Variants in ZNF658 observed in about 807,000 individuals in gnomAD.
ZNF658 encodes the protein zinc finger protein 658.
Under a neutral mutation model 78.0 loss-of-function variants are expected in ZNF658, and 46 were observed. The ratio of observed to expected loss-of-function variants is 0.59; its 90% CI spans 0.47 to 0.75. The LOEUF (loss-of-function observed/expected upper bound fraction) is 0.75. ZNF658 is among the 30% of genes least tolerant of loss of function. The probability of loss-of-function intolerance (pLI) is 0.00; values close to 1 mark genes in which losing one functional copy is unlikely to be tolerated. For missense variants in ZNF658, 785 were observed against 1,189.3 expected (o/e 0.66, Z 5.00); for synonymous variants, 279 against 408.4 (o/e 0.68, Z 3.82).
chr9:66,908,967 C>T (rs547787560), intron 4 of ZNF658, among the ~76,000 whole-genome samples: 2 of 152,268 alleles, frequency 1.3e-5, no homozygotes, highest in East Asian at 3.9e-4. Context: ...TGTCACTATT[C>T]CCTGAACAAT....
In ZNF658 at chr9:66,918,586, T is replaced by A; in HGVS notation, c.1020T>A (p.His340Gln). 6.2e-7 allele frequency: 1 copy of A among 1,609,070 alleles called. No individual in the cohort carries two copies. Among genetic ancestry groups the A allele is most frequent in the South Asian group, 1.1e-5 (1 of 90,874 alleles). ...CEENFSQSSA[H>Q]IVHQKTQAGD... ...AAAATTTTAGCCAGAGCTCAGCCCATATAGTACATCAGAAAACACAAGCTG... is the reference window on the plus strand; with the variant it reads ...AAAATTTTAGCCAGAGCTCAGCCCAAATAGTACATCAGAAAACACAAGCTG... The change falls in exon 5 of 5, where the codon CAT becomes CAA. Residue 340 changes from histidine (H) to glutamine (Q), a missense_variant. His to Gln is a conservative substitution (Grantham distance 24). This residue lies in a region of ZNF658 where 393 missense variants were observed against 400.2 expected (regional missense o/e 0.98). Coordinates refer to ENST00000621410, the MANE Select transcript of ZNF658 (RefSeq NM_033160.7).
At chr9:66,909,834 A>T (rs577857274) in intron 4 of ZNF658, among the ~76,000 whole-genome samples, 1 of 152,318 alleles carries the variant, frequency 6.6e-6, no homozygotes, top group African/African-American at 2.4e-5. Flanking sequence ...ATCATAATAA[A>T]ATACCATAGG....
At chr9:66,913,193 G>T (rs1398377965) in intron 4 of ZNF658, among the ~76,000 whole-genome samples, 1 of 151,202 alleles carries the variant, frequency 6.6e-6, no homozygotes, top group African/African-American at 2.4e-5. Context: ...GGGAGGCCGA[G>T]GCGGGTGGAT....
intron 4 of ZNF658, among the ~76,000 whole-genome samples, chr9:66,915,397 T>TG (rs1426532520): frequency 7.0e-5 from 10 of 143,064 alleles, no homozygotes; most frequent in African/African-American, 2.6e-4. Flanking sequence ...CTTTTATAGT[T>TG]AAAAAAAAAA....
chr9:66,928,669 G>A (rs1342199532), intron 6 of ZNF658, among the ~76,000 whole-genome samples: 11 of 149,594 alleles, frequency 7.4e-5, no homozygotes, highest in Non-Finnish European at 1.2e-4. Context: ...TGGCTAACAC[G>A]GTGAAACCCC....
rs149168894 is a variant in ZNF658, at chr9:66,909,795, G to A, written c.238+1061G>A. ...AGTGATATCTCACTGTGGTTTTGAT[G>A]TACATTTCTGTATTAGTCAGCTAGG... On this transcript the variant is annotated intron_variant, in intron 4 of 4. Transcript: ENST00000621410. 1.8e-3 allele frequency among the ~76,000 whole-genome samples: 272 copies of A among 152,274 alleles called. No individual in the cohort carries two copies. The East Asian group carries it at 0.037, about 21-fold the overall frequency.
rs1408771098 is a variant in ZNF658 at position 66,901,800 on chromosome 9, C to T, written c.-45+964C>T. 1.1e-4 allele frequency among the ~76,000 whole-genome samples: 17 copies of T among 151,664 alleles called. No individual in the cohort carries two copies. In the East Asian group the frequency reaches 2.9e-3, roughly 26 times the overall value. On this transcript the variant is annotated intron_variant, in intron 1 of 4. Coordinates refer to ENST00000621410, the MANE Select transcript of ZNF658 (RefSeq NM_033160.7). The stretch of plus-strand genomic sequence containing the variant: ...TCTCTACAAAAATAAAAAAATTAGC[C>T]GGGCGTGGTGGTGCACTCCTGTAAT...
chr9:66,905,068 C>CTTTTTTTTTTTTTTT lies in ZNF658; in HGVS notation c.15+1503_15+1517dup. Among the ~76,000 whole-genome samples, 135 of 31,750 alleles carry CTTTTTTTTTTTTTTT rather than the reference C, an allele frequency of 4.3e-3. 11 individuals are homozygous for CTTTTTTTTTTTTTTT. The highest frequency in any genetic ancestry group is 7.0e-3 in the South Asian group (5 of 714). The allele number at this position is 31,750 out of a possible 152,430, so 20.8% of individuals were successfully genotyped here. On this transcript the variant is annotated intron_variant, in intron 2 of 4. Transcript: ENST00000621410. ...CTTTTTTCTTTTCTCTTTTTCTTTT[C>CTTTTTTTTTTTTTTT]TTTTTTTTTTTTTTTTTTTTTTTTT...
intron 2 of ZNF658, among the ~76,000 whole-genome samples, chr9:66,907,329 C>T (rs1822102241): frequency 6.6e-6 from 1 of 151,934 alleles, no homozygotes; most frequent in African/African-American, 2.4e-5. Context: ...CTCACTGAAT[C>T]TTCTAACACG....
At chr9:66,923,061 C>T (rs1014374968), downstream of ZNF658, among the ~76,000 whole-genome samples, 4 of 150,448 alleles carry the variant, frequency 2.7e-5, no homozygotes, top group African/African-American at 9.7e-5. Flanking sequence ...CCAAAATAGG[C>T]CATCTGCAAG....
At chr9:66,926,398 G>A (rs915459645), downstream of ZNF658, among the ~76,000 whole-genome samples, 28 of 151,942 alleles carry the variant, frequency 1.8e-4, no homozygotes, top group African/African-American at 6.3e-4. Flanking sequence ...ATAAAAAAAT[G>A]TAAAAATCAA....
intron 1 of ZNF658, chr9:66,901,060 T>C (rs1587350939): frequency 6.6e-6 from 1 of 152,278 alleles, no homozygotes; most frequent in Non-Finnish European, 1.5e-5. Context: ...GTGGATGAGG[T>C]TGACGGCGAA....
At chr9:66,902,809 T>TG (rs1307197469) in intron 1 of ZNF658, 1 of 152,220 alleles carries the variant, frequency 6.6e-6, no homozygotes, top group African/African-American at 2.4e-5. Context: ...TAATTCTGGG[T>TG]GTAAAGGCAG....
chr9:66,925,529 G>A (rs62561222), downstream of ZNF658, among the ~76,000 whole-genome samples: 7,131 of 151,878 alleles, frequency 0.047, 199 homozygotes, highest in East Asian at 0.14. Flanking sequence ...CCTACCAAGA[G>A]TGCATCATGA....
intron 4 of ZNF658, among the ~76,000 whole-genome samples, chr9:66,915,206 G>T (rs931027145): frequency 2.6e-5 from 4 of 152,018 alleles, no homozygotes; most frequent in African/African-American, 9.7e-5. Flanking sequence ...CCATCATAAT[G>T]AAGTAAGTTA....
In ZNF658 at chr9:66,918,381, T is replaced by G. The variant is rs1272723446; in HGVS notation, c.815T>G (p.Leu272Arg). ...GACACAAGGGGGAAATGCTCTGATC[T>G]TAATGAATATGGGACATCCTGTGAC... ...RTDTRGKCSD[L>R]NEYGTSCDKT... Residue 272 changes from leucine to arginine, a missense_variant, in exon 5 of 5, where the codon CTT becomes CGT. By Grantham distance (102) the Leu-to-Arg change is moderately radical. Around this residue, in one of 12 missense-constraint regions of ZNF658, gnomAD observed 393 missense variants for 400.2 expected, o/e 0.98. Coordinates refer to ENST00000621410, the MANE Select transcript of ZNF658 (RefSeq NM_033160.7). 3.1e-6 allele frequency: 5 copies of G among 1,613,854 alleles called. No homozygotes were observed. The highest frequency in any genetic ancestry group is 4.2e-6 in the Non-Finnish European group (5 of 1,179,838).
chr9:66,930,576 G>A (rs1006672177), intron 6 of ZNF658, among the ~76,000 whole-genome samples: 38 of 151,856 alleles, frequency 2.5e-4, no homozygotes, highest in Admixed American at 2.1e-3. Flanking sequence ...TTGGGAGGCC[G>A]AGGCAACCAG....
rs1487972856 is a variant in ZNF658 at position 66,920,074 on chromosome 9, C to A, written c.2508C>A (p.Ser836=). The change falls in exon 5 of 5, where the codon TCC becomes TCA. Residue 836 remains serine, a synonymous_variant. Transcript: ENST00000621410. The part of the protein sequence containing the change: ...YECNQCGKTF[S]QRTHLCAHQR... Reference sequence around the variant, plus strand: ...GTAACCAATGTGGGAAAACTTTCTCCCAAAGAACACACCTCTGTGCACATC... The same window carrying A: ...GTAACCAATGTGGGAAAACTTTCTCACAAAGAACACACCTCTGTGCACATC... The A allele has an allele frequency of 1.2e-5, 20 of 1,613,008 alleles. No individual in the cohort carries two copies. The highest frequency in any genetic ancestry group is 1.6e-5 in the Non-Finnish European group (19 of 1,179,842).
At chr9:66,907,228 T>C (rs558984015) in intron 2 of ZNF658, among the ~76,000 whole-genome samples, 1 of 152,258 alleles carries the variant, frequency 6.6e-6, no homozygotes, top group African/African-American at 2.4e-5. Context: ...TAAATGCTTA[T>C]CTTCATCCCC....
Sources: allele counts gnomAD v4.1 joint callset (sites outside exome capture counted in the v4.1 genomes callset), GRCh38; gene constraint gnomAD v4.1.1; regional missense constraint gnomAD v4.1.1; transcripts MANE v1.5; gene names NCBI Gene and HGNC (gene_info 2026-07-23, HGNC 2026-07-21).